Variants in IQGAP3 observed in about 807,000 individuals in gnomAD.
The protein encoded by IQGAP3 is ras GTPase-activating-like protein IQGAP3.
Under a neutral mutation model 208.2 loss-of-function variants are expected in IQGAP3, and 165 were observed. That is an observed-to-expected ratio of 0.79 (90% CI 0.70 to 0.90). The LOEUF is 0.90. Among genes scored for constraint, IQGAP3 ranks in the 40% least tolerant of loss-of-function variants. The probability of loss-of-function intolerance (pLI) is 0.00; values close to 1 mark genes in which losing one functional copy is unlikely to be tolerated. For missense variants in IQGAP3, 1,811 were observed against 2,043.1 expected, an observed-to-expected ratio of 0.89 and a Z score of 2.19; for synonymous variants, 703 against 803.6, an observed-to-expected ratio of 0.87 and a Z score of 2.12.
At chr1:156,556,074 TCTATTTGGAC>T (rs1190400349) in intron 12 of IQGAP3, among the ~76,000 whole-genome samples, 6 of 152,234 alleles carry the variant, frequency 3.9e-5, no homozygotes, top group Admixed American at 6.5e-5. Context: ...CCTGTGTGTC[TCTATTTGGAC>T]CTTCAGGTGT....
At position 156,530,661 on chromosome 1, in the gene IQGAP3, C is replaced by T. The variant is rs113966666; in HGVS notation, c.4192-344G>A. On this transcript the variant is annotated intron_variant, in intron 33 of 37. Transcript: ENST00000361170. ...ACTTCCCAACAATGGATCTTTCTGACGGCACAGGATGTTTGGGGGCATTTA... is the reference window on the plus strand; with the variant it reads ...ACTTCCCAACAATGGATCTTTCTGATGGCACAGGATGTTTGGGGGCATTTA... Among the ~76,000 whole-genome samples, 1,329 of 152,274 alleles carry T rather than the reference C, an allele frequency of 8.7e-3. 6 individuals carry two copies. The highest frequency in any genetic ancestry group is 0.024 in the Middle Eastern group (7 of 294).
Position 156,569,394 on chromosome 1 carries a change from C to T in IQGAP3, c.107G>A (p.Arg36Gln), listed in dbSNP as rs1233940945. 1.2e-5 allele frequency: 19 copies of T among 1,613,150 alleles called. No individual in the cohort carries two copies. The highest frequency in any genetic ancestry group is 5.3e-5 in the African/African-American group (4 of 74,882). ...CGCTCACCGCTTGGCCTCCTCCAGC[C>T]GGCACAGGTACTGATAGGCAACATT... The part of the protein sequence containing the change: ...RQNVAYQYLC[R>Q]LEEAKRWMEA... Residue 36 changes from arginine (R) to glutamine (Q), a missense_variant, in exon 2 of 38, where the codon CGG (arginine) becomes CAG (glutamine). Transcript: ENST00000361170.
rs1316181406 is a variant in IQGAP3, at chr1:156,548,655, C to T, written c.1919G>A (p.Arg640Gln). Residue 640 changes from arginine (R) to glutamine (Q), a missense_variant, in exon 17 of 38, where the codon CGA becomes CAA. Transcript: ENST00000361170. ...RVLRNPAVAL[R>Q]GVVPDCANGY... ...GTTGGCACAGTCGGGAACTACCCCT[C>T]GAAGGGCCACTGCGGGGTTCCTCAA... The T allele has an allele frequency of 1.4e-5, 23 of 1,612,296 alleles. No homozygotes were observed. The highest frequency in any genetic ancestry group is 1.7e-5 in the Non-Finnish European group (20 of 1,178,904).
intron 22 of IQGAP3, among the ~76,000 whole-genome samples, chr1:156,542,968 T>TAA (rs112732808): frequency 5.6e-5 from 8 of 143,764 alleles, no homozygotes; most frequent in South Asian, 4.4e-4. Flanking sequence ...AATAATCAAT[T>TAA]AAAAAAAAAA....
Position 156,528,033 on chromosome 1 carries a change from C to T in IQGAP3, c.4701G>A (p.Thr1567=), listed in dbSNP as rs778757420. 27 of 1,613,934 alleles carry T rather than the reference C, an allele frequency of 1.7e-5. No homozygotes were observed. The South Asian group carries it at 2.1e-4, about 12-fold the overall frequency. The change falls in exon 37 of 38, where the codon ACG becomes ACA. Residue 1567 remains threonine, a synonymous_variant. Coordinates refer to ENST00000361170, the MANE Select transcript of IQGAP3 (RefSeq NM_178229.5). ...SHFRNVIFDI[T]PGDEAGKFEV... is the part of the protein sequence containing the mutation. ...CAAACTTTCCTGCCTCATCTCCCGG[C>T]GTGATGTCAAAGATGACGTTTCTGA... is the stretch of plus-strand genomic sequence containing the variant.
intron 24 of IQGAP3, 38 bp downstream of exon 24, chr1:156,539,800 G>A: frequency 6.2e-7 from 1 of 1,609,906 alleles, no homozygotes; most frequent in Non-Finnish European, 8.5e-7. Flanking sequence ...ACCCTCAGGA[G>A]ACGGGAGAGA....
In IQGAP3 at chr1:156,562,631, T is replaced by C. The variant is rs772113905; in HGVS notation, c.833A>G (p.Tyr278Cys). The stretch of plus-strand genomic sequence containing the variant: ...GCCCTGGATTTCAGCCTGAGTTAGG[T>C]AGTGGTCATAGATGTCCTGGCTTTC... ...DRESQDIYDH[Y>C]LTQAEIQGNI... is the part of the protein sequence containing the mutation. The change falls in exon 9 of 38, where the codon TAC becomes TGC. Residue 278 changes from tyrosine (Y) to cysteine (C), a missense_variant. Coordinates refer to ENST00000361170, the MANE Select transcript of IQGAP3 (RefSeq NM_178229.5). 12 of 1,614,088 alleles carry C rather than the reference T, an allele frequency of 7.4e-6. No homozygotes were observed. The highest frequency in any genetic ancestry group is 9.3e-6 in the Non-Finnish European group (11 of 1,179,986).
In IQGAP3 at chr1:156,544,372, A is replaced by C. The variant is rs757324239; in HGVS notation, c.2388+17T>G. The C allele has an allele frequency of 6.2e-7, 1 of 1,608,822 alleles. No individual in the cohort carries two copies. On this transcript the variant is annotated intron_variant, in intron 20 of 37. Transcript: ENST00000361170. ...GTCCTTTGAGAGAAAGGAGCCTGCC[A>C]AAACCACCGTAGCTACCTTGATTAT...
At chr1:156,540,644 G>A in intron 23 of IQGAP3, 64 bp downstream of exon 23, 1 of 1,409,646 alleles carries the variant, frequency 7.1e-7, no homozygotes, top group Non-Finnish European at 1.0e-6. Flanking sequence ...AGCAGAGAAT[G>A]GTCAGCATCA....
At chr1:156,536,737 C>A (rs1674702961) in intron 27 of IQGAP3, 1 of 154,646 alleles carries the variant, frequency 6.5e-6, no homozygotes, top group African/African-American at 2.4e-5. Flanking sequence ...CACACTATAC[C>A]CTATGAATAT....
chr1:156,563,616 G>A lies in IQGAP3; in HGVS notation c.556C>T (p.Leu186=). The change falls in exon 7 of 38, where the codon CTG becomes TTG. Residue 186 remains leucine, a synonymous_variant. Transcript: ENST00000361170. ...CCCCCGATCTTGCTGAAGGCAGGCA[G>A]CTGGAGGCCATATTTGGCCAGTTCG... ...ASELAKYGLQ[L]PAFSKIGGIL... 1 of 1,613,566 alleles carries A rather than the reference G, an allele frequency of 6.2e-7. No individual in the cohort carries two copies. Among genetic ancestry groups the A allele is most frequent in the Non-Finnish European group, 8.5e-7 (1 of 1,179,858 alleles).
At chr1:156,547,388 GACAC>G (rs61344699) in intron 19 of IQGAP3, among the ~76,000 whole-genome samples, 37,537 of 147,288 alleles carry the variant, frequency 0.25, 5,055 homozygotes, top group South Asian at 0.49. Flanking sequence ...CAGACACACA[GACAC>G]ACACACACAC....
chr1:156,528,825 T>A (rs1674238724), intron 35 of IQGAP3, 91 bp downstream of exon 35: 2 of 1,464,172 alleles, frequency 1.4e-6, no homozygotes. Context: ...GAGATTCCCC[T>A]TTCAAAGCTG....
chr1:156,562,754 T>C, intron 8 of IQGAP3, 89 bp from the exon 9 acceptor site: 2 of 1,192,582 alleles, frequency 1.7e-6, no homozygotes, highest in Non-Finnish European at 2.5e-6. Context: ...TTATTTCTTC[T>C]TCTGGGGACC....
Position 156,528,960 on chromosome 1 carries a change from G to T in IQGAP3, c.4527C>A (p.Ser1509Arg), listed in dbSNP as rs1334001596. The change falls in exon 35 of 38, where the codon AGC becomes AGA. Residue 1509 changes from serine (S) to arginine (R), a missense_variant. By Grantham distance (110) the Ser-to-Arg change is moderately radical. Transcript: ENST00000361170. ...GGTCCAGGCAGGCCCGGATGTACTGGCTGTAGTAGTCACCCTGCTCCTCAT... is the reference window on the plus strand; with the variant it reads ...GGTCCAGGCAGGCCCGGATGTACTGTCTGTAGTAGTCACCCTGCTCCTCAT... ...TFYEEQGDYY[S>R]QYIRACLDHL... 1 of 1,614,230 alleles carries T rather than the reference G, an allele frequency of 6.2e-7. No individual in the cohort carries two copies. Among genetic ancestry groups the T allele is most frequent in the Non-Finnish European group, 8.5e-7 (1 of 1,180,032 alleles).
At position 156,572,516 on chromosome 1, in the gene IQGAP3, GCTCTC is replaced by G; in HGVS notation, c.9_13del (p.Arg3SerfsTer10). The G allele has an allele frequency of 1.2e-6, 2 of 1,612,300 alleles. No individual in the cohort carries two copies. The highest frequency in any genetic ancestry group is 8.5e-7 in the Non-Finnish European group (1 of 1,179,972). On this transcript the variant is annotated frameshift_variant, in exon 1 of 38. Coordinates refer to ENST00000361170, the MANE Select transcript of IQGAP3 (RefSeq NM_178229.5). LOFTEE classifies it high-confidence loss of function. ...ACAGGCTGCCCAGCCTGGGCCCGCTGCTCTCCTCTCCATGTTCCTCCTTCTTCCAG... is the reference window on the plus strand; with the variant it reads ...ACAGGCTGCCCAGCCTGGGCCCGCTGCTCTCCATGTTCCTCCTTCTTCCAG...
intron 11 of IQGAP3, 31 bp downstream of exon 11, chr1:156,560,903 A>G (rs1477531207): frequency 6.9e-7 from 1 of 1,455,750 alleles, no homozygotes; most frequent in Non-Finnish European, 9.7e-7. Flanking sequence ...AGATACGCAC[A>G]GAGCAGGCCT....
chr1:156,535,326 G>T, intron 27 of IQGAP3, 79 bp from the exon 28 acceptor site: 1 of 1,009,454 alleles, frequency 9.9e-7, no homozygotes, highest in Non-Finnish European at 1.5e-6. Flanking sequence ...TGAGTGCCTG[G>T]CTGTCTCTTC....
intron 32 of IQGAP3, among the ~76,000 whole-genome samples, chr1:156,532,315 A>C (rs1473763404): frequency 6.6e-6 from 1 of 150,750 alleles, no homozygotes; most frequent in Non-Finnish European, 1.5e-5. Context: ...TGAACCCAGA[A>C]GGCGGAGGTT....
Sources: allele counts gnomAD v4.1 joint callset (sites outside exome capture counted in the v4.1 genomes callset), GRCh38; gene constraint gnomAD v4.1.1; transcripts MANE v1.5; gene names NCBI Gene and HGNC (gene_info 2026-07-23, HGNC 2026-07-21).